The following ZNF540 variants were observed in gnomAD, a reference collection of about 807,000 sequenced individuals.
ZNF540 encodes zinc finger protein 540.
Under a neutral mutation model 11.8 loss-of-function variants are expected in ZNF540, and 3 were observed. The ratio of observed to expected loss-of-function variants is 0.25; its 90% CI spans 0.12 to 0.65. The LOEUF (loss-of-function observed/expected upper bound fraction) is 0.65, where lower values mean the gene tolerates loss of function less well. ZNF540 is among the 30% of genes least tolerant of loss of function. The pLI, the probability that ZNF540 is intolerant of heterozygous loss-of-function variation, is 0.83. For synonymous variants in ZNF540, 247 were observed against 259.0 expected (o/e 0.95, Z 0.45); for missense variants, 709 against 793.1 (o/e 0.89, Z 1.27).
At chr19:37,606,554 G>A (rs543068301) in intron 4 of ZNF540, among the ~76,000 whole-genome samples, 1 of 152,110 alleles carries the variant, frequency 6.6e-6, no homozygotes, top group South Asian at 2.1e-4. Context: ...ATGCATGAGG[G>A]TTTCTGTTTC....
At chr19:37,586,677 G>C in intron 1 of ZNF540, 2 of 1,614,062 alleles carry the variant, frequency 1.2e-6, no homozygotes, top group Non-Finnish European at 1.7e-6. Flanking sequence ...CGTGGGGCAT[G>C]GTTTTTTAGA....
At chr19:37,578,931 G>T (rs1217822418) in intron 1 of ZNF540, among the ~76,000 whole-genome samples, 1 of 152,102 alleles carries the variant, frequency 6.6e-6, no homozygotes, top group Non-Finnish European at 1.5e-5. Context: ...AGTGAAGTTC[G>T]GCATTGTTTG....
chr19:37,559,424 G>A (rs1449844355), intron 1 of ZNF540, among the ~76,000 whole-genome samples: 1 of 152,172 alleles, frequency 6.6e-6, no homozygotes, highest in Admixed American at 6.5e-5. Flanking sequence ...GCACTAGTTT[G>A]CAGAAATAGA....
rs560205717 is a variant in ZNF540, at chr19:37,600,881, C to T, written c.137-129C>T. The T allele has an allele frequency of 7.4e-5, 54 of 727,786 alleles. 1 individual carries two copies. Among genetic ancestry groups the T allele is most frequent in the Middle Eastern group, 7.9e-4 (2 of 2,542 alleles). 45.1% of individuals were successfully genotyped at this position (727,786 alleles called of 1,614,324 possible). ...TACACTAAGTTGAATATTCTTTAATCCTGTCAGTTTTTTCCGAAGTCTTCA... is the reference window on the plus strand; with the variant it reads ...TACACTAAGTTGAATATTCTTTAATTCTGTCAGTTTTTTCCGAAGTCTTCA... On this transcript the variant is annotated intron_variant, in intron 3 of 4. Coordinates refer to ENST00000316433, the MANE Select transcript of ZNF540 (RefSeq NM_001172225.3).
chr19:37,587,294 C>T (rs1478539416), intron 1 of ZNF540: 1 of 152,270 alleles, frequency 6.6e-6, no homozygotes, highest in African/African-American at 2.4e-5. Context: ...CTCCCAATTA[C>T]AACACCTCCT....
At chr19:37,599,555 T>A in intron 2 of ZNF540, 71 bp from the exon 3 acceptor site, 3 of 1,595,254 alleles carry the variant, frequency 1.9e-6, no homozygotes, top group Non-Finnish European at 1.7e-6. Flanking sequence ...TGAAACCTTT[T>A]ATCTCCTTTT....
chr19:37,552,871 C>T (rs1190430108), intron 1 of ZNF540, among the ~76,000 whole-genome samples: 3 of 151,952 alleles, frequency 2.0e-5, no homozygotes, highest in East Asian at 3.9e-4. Flanking sequence ...GACTTGAACT[C>T]GGGAGGTAGA....
intron 1 of ZNF540, among the ~76,000 whole-genome samples, chr19:37,559,207 G>A (rs2147140008): frequency 6.6e-6 from 1 of 152,292 alleles, no homozygotes. Context: ...TCCAACAGAA[G>A]CTCATGTTTT....
intron 4 of ZNF540, among the ~76,000 whole-genome samples, chr19:37,601,721 G>GATAT (rs1205360054): frequency 1.3e-5 from 2 of 152,348 alleles, no homozygotes; most frequent in Non-Finnish European, 2.9e-5. Flanking sequence ...TATGTGCAGA[G>GATAT]ATGTGCAGTA....
intron 1 of ZNF540, among the ~76,000 whole-genome samples, chr19:37,560,063 G>T (rs1042883261): frequency 2.0e-5 from 3 of 152,058 alleles, no homozygotes; most frequent in Non-Finnish European, 4.4e-5. Flanking sequence ...GATCACTTGA[G>T]GCCAGGAGTT....
At chr19:37,576,874 G>A (rs1411801032) in intron 1 of ZNF540, among the ~76,000 whole-genome samples, 1 of 152,032 alleles carries the variant, frequency 6.6e-6, no homozygotes, top group Non-Finnish European at 1.5e-5. Context: ...ACCAGCAACA[G>A]CTTAAAACAC....
intron 1 of ZNF540, chr19:37,567,587 C>T (rs2042904817): frequency 6.6e-6 from 1 of 152,140 alleles, no homozygotes; most frequent in South Asian, 2.1e-4. Context: ...ATTTAAGTTC[C>T]AAGAACATGT....
intron 1 of ZNF540, chr19:37,586,928 T>C (rs1264864467): frequency 1.9e-6 from 1 of 528,310 alleles, no homozygotes; most frequent in Non-Finnish European, 3.3e-6. Flanking sequence ...ATGTCCATGT[T>C]GAACAGGACC....
At chr19:37,602,904 G>A (rs2044050817) in intron 4 of ZNF540, among the ~76,000 whole-genome samples, 1 of 151,944 alleles carries the variant, frequency 6.6e-6, no homozygotes, top group African/African-American at 2.4e-5. Flanking sequence ...AGGTGAGGCA[G>A]TGATGACAGT....
In ZNF540 at chr19:37,555,907, T is replaced by G. The variant is rs992254508; in HGVS notation, c.-73+4242T>G. On this transcript the variant is annotated intron_variant, in intron 1 of 4. Coordinates refer to the ZNF540 transcript ENST00000592533. ...CACGAGTTATGGAATGAAGATCTGGTTGATCCCCCAGAGTAGGTGGCTAAA... is the reference window on the plus strand; with the variant it reads ...CACGAGTTATGGAATGAAGATCTGGGTGATCCCCCAGAGTAGGTGGCTAAA... The G allele has an allele frequency of 5.7e-6, 4 of 700,734 alleles. No individual in the cohort carries two copies. The African/African-American group carries it at 7.0e-5, about 12-fold the overall frequency. The allele number at this position is 700,734 out of a possible 1,614,324, so 43.4% of individuals were successfully genotyped here. A position where few individuals can be genotyped will look rare whatever the true frequency, so the allele number is the denominator to read the frequency against.
At chr19:37,583,974 A>T (rs756415238) in intron 1 of ZNF540, 1 of 1,607,088 alleles carries the variant, frequency 6.2e-7, no homozygotes, top group African/African-American at 1.3e-5. Flanking sequence ...ATCTTACCCA[A>T]TGAGATCAGG....
At chr19:37,590,189 G>A (rs1436554626), upstream of ZNF540, among the ~76,000 whole-genome samples, 1 of 151,924 alleles carries the variant, frequency 6.6e-6, no homozygotes, top group Non-Finnish European at 1.5e-5. Flanking sequence ...GGTGGATCAC[G>A]AGGTCAGGAG....
chr19:37,601,688 G>A (rs1272524468), intron 4 of ZNF540, among the ~76,000 whole-genome samples: 1 of 152,238 alleles, frequency 6.6e-6, no homozygotes, highest in African/African-American at 2.4e-5. Context: ...GCTGCCCAGG[G>A]AAGGCTCTTC....
At chr19:37,561,611 G>A (rs962612273) in intron 1 of ZNF540, among the ~76,000 whole-genome samples, 1 of 152,178 alleles carries the variant, frequency 6.6e-6, no homozygotes. Context: ...ATGCCAGTAA[G>A]GAAATTTGGT....
Sources: gnomAD v4.1 joint callset for allele counts (sites outside exome capture counted in the v4.1 genomes callset) on GRCh38, gnomAD v4.1.1 for gene constraint, MANE v1.5 for transcripts, NCBI Gene and HGNC (gene_info 2026-07-23, HGNC 2026-07-21) for gene names.